Variants in MALRD1 observed in about 807,000 individuals in gnomAD.
The protein encoded by MALRD1 is MAM and LDL receptor class A domain containing 1, also known as MAM and LDL-receptor class A domain-containing protein 1.
In MALRD1, 247 loss-of-function variants were observed where a neutral mutation model predicts 242.1. The ratio of observed to expected loss-of-function variants is 1.02; its 90% CI spans 0.92 to 1.13. The LOEUF (loss-of-function observed/expected upper bound fraction) is 1.13, where lower values mean the gene tolerates loss of function less well. Among genes scored for constraint, MALRD1 ranks in the 50% most tolerant of loss-of-function variants. The probability of loss-of-function intolerance (pLI) is 0.00; values close to 1 mark genes in which losing one functional copy is unlikely to be tolerated. For synonymous variants in MALRD1, 995 were observed against 866.6 expected, an observed-to-expected ratio of 1.15 and a Z score of -2.60; for missense variants, 2,989 against 2,533.1, an observed-to-expected ratio of 1.18 and a Z score of -3.86.
intron 32 of MALRD1, among the ~76,000 whole-genome samples, chr10:19,563,948 T>C (rs573984219): frequency 6.6e-6 from 1 of 152,298 alleles, no homozygotes; most frequent in African/African-American, 2.4e-5. Flanking sequence ...CCTCCGGCAC[T>C]GTCTCTCTTT....
intron 23 of MALRD1, 128 bp from the exon 24 acceptor site, chr10:19,331,241 A>G: frequency 1.3e-6 from 1 of 784,830 alleles, no homozygotes; most frequent in South Asian, 1.8e-5. Context: ...GACATAAAAA[A>G]CAAAAACAAA....
intron 29 of MALRD1, among the ~76,000 whole-genome samples, chr10:19,461,899 A>G (rs1835964632): frequency 6.6e-6 from 1 of 152,156 alleles, no homozygotes; most frequent in South Asian, 2.1e-4. Flanking sequence ...TACCGTACAT[A>G]AAGAAAACAT....
intron 36 of MALRD1, among the ~76,000 whole-genome samples, chr10:19,652,545 A>T (rs149054378): frequency 6.6e-6 from 1 of 152,176 alleles, no homozygotes; most frequent in South Asian, 2.1e-4. Flanking sequence ...GTTTTATGAA[A>T]TTCACTGTGT....
intron 36 of MALRD1, among the ~76,000 whole-genome samples, chr10:19,626,504 C>T (rs902233483): frequency 6.6e-6 from 1 of 151,574 alleles, no homozygotes; most frequent in African/African-American, 2.4e-5. Flanking sequence ...CAGGGTTCAG[C>T]GAGATAGATG....
intron 10 of MALRD1, among the ~76,000 whole-genome samples, chr10:19,144,106 G>GT (rs1391603349): frequency 6.6e-6 from 1 of 152,156 alleles, no homozygotes; most frequent in East Asian, 1.9e-4. Flanking sequence ...TGTGCAACAT[G>GT]TTTTTATTAT....
intron 36 of MALRD1, among the ~76,000 whole-genome samples, chr10:19,670,677 A>C (rs1305017185): frequency 1.3e-5 from 2 of 151,986 alleles, no homozygotes; most frequent in African/African-American, 4.8e-5. Flanking sequence ...AACACCCCTG[A>C]CTCCACCAAC....
chr10:19,474,390 A>C (rs1316888250), intron 29 of MALRD1, among the ~76,000 whole-genome samples: 1 of 152,164 alleles, frequency 6.6e-6, no homozygotes, highest in Admixed American at 6.5e-5. Flanking sequence ...AAAGTGTCCA[A>C]GTTTTAAAAA....
At chr10:19,632,129 C>T (rs1289990735) in intron 36 of MALRD1, among the ~76,000 whole-genome samples, 1 of 152,136 alleles carries the variant, frequency 6.6e-6, no homozygotes, top group Non-Finnish European at 1.5e-5. Context: ...AGAAAACTAG[C>T]AGCAGTAGAA....
chr10:19,710,350 A>G (rs949143009), intron 38 of MALRD1: 12 of 152,150 alleles, frequency 7.9e-5, no homozygotes, highest in Non-Finnish European at 1.3e-4. Flanking sequence ...TAATAATCAT[A>G]TTTATTGATG....
intron 36 of MALRD1, among the ~76,000 whole-genome samples, chr10:19,622,310 G>C (rs1157550996): frequency 6.6e-6 from 1 of 151,476 alleles, no homozygotes; most frequent in Non-Finnish European, 1.5e-5. Context: ...AGTATTCTTA[G>C]ATTAATAGTC....
At chr10:19,666,284 C>G (rs1481554070) in intron 36 of MALRD1, among the ~76,000 whole-genome samples, 2 of 152,166 alleles carry the variant, frequency 1.3e-5, no homozygotes, top group Non-Finnish European at 2.9e-5. Context: ...TCTCTGACCT[C>G]TCCTTAATTA....
intron 19 of MALRD1, among the ~76,000 whole-genome samples, chr10:19,264,185 G>A (rs1013393210): frequency 1.3e-5 from 2 of 152,008 alleles, no homozygotes; most frequent in African/African-American, 4.8e-5. Flanking sequence ...ATTTTTTGAC[G>A]TGATCATAAG....
chr10:19,179,374 G>T (rs1481892286), intron 14 of MALRD1, among the ~76,000 whole-genome samples: 2 of 151,346 alleles, frequency 1.3e-5, no homozygotes, highest in East Asian at 1.9e-4. Context: ...ATCTGGCTGG[G>T]TGCAGTGGCT....
intron 36 of MALRD1, among the ~76,000 whole-genome samples, chr10:19,618,404 A>T (rs1019519683): frequency 1.3e-5 from 2 of 152,050 alleles, no homozygotes; most frequent in Admixed American, 1.3e-4. Context: ...TTGAGGAATC[A>T]CCGCACTGCT....
intron 32 of MALRD1, among the ~76,000 whole-genome samples, chr10:19,559,907 C>T (rs1835889622): frequency 6.6e-6 from 1 of 152,170 alleles, no homozygotes; most frequent in Non-Finnish European, 1.5e-5. Context: ...CATCACTGGT[C>T]ATTAGAGAAA....
At chr10:19,156,130 G>A (rs1834134193) in intron 12 of MALRD1, among the ~76,000 whole-genome samples, 1 of 152,134 alleles carries the variant, frequency 6.6e-6, no homozygotes, top group South Asian at 2.1e-4. Context: ...TGTAGTGTTA[G>A]AGCAGTTTAC....
rs142471637 is a variant in MALRD1, at chr10:19,517,487, G to A, written c.5321-13707G>A. Among the ~76,000 whole-genome samples the A allele has an allele frequency of 5.5e-3, 845 of 152,266 alleles. 7 individuals carry two copies. The highest frequency in any genetic ancestry group is 0.02 in the African/African-American group (814 of 41,554). On this transcript the variant is annotated intron_variant, in intron 31 of 39. Transcript: ENST00000454679. ...ACATGCATCATGCCTTTTCTAAAGAGTTTTCTCGCTGTAGCCAATGTAACT... is the reference window on the plus strand; with the variant it reads ...ACATGCATCATGCCTTTTCTAAAGAATTTTCTCGCTGTAGCCAATGTAACT...
At chr10:19,366,485 G>A (rs1429346098) in intron 26 of MALRD1, among the ~76,000 whole-genome samples, 1 of 152,132 alleles carries the variant, frequency 6.6e-6, no homozygotes, top group East Asian at 1.9e-4. Flanking sequence ...GTTCCTAACA[G>A]GCTATGGACT....
intron 5 of MALRD1, among the ~76,000 whole-genome samples, chr10:19,121,043 C>CTAT (rs1554792691): frequency 9.4e-6 from 1 of 106,598 alleles, no homozygotes; most frequent in Non-Finnish European, 1.8e-5. Flanking sequence ...TGTGCCCGGC[C>CTAT]TTTTTTTTTT....
Sources: gnomAD v4.1 joint callset for allele counts (sites outside exome capture counted in the v4.1 genomes callset) on GRCh38, gnomAD v4.1.1 for gene constraint, MANE v1.5 for transcripts, NCBI Gene and HGNC (gene_info 2026-07-23, HGNC 2026-07-21) for gene names.